The following CCNY variants were observed in gnomAD, a reference collection of about 807,000 sequenced individuals.
The protein encoded by CCNY is cyclin-Y.
CCNY carries 19 observed loss-of-function variants against 42.8 expected under a neutral mutation model. The observed-to-expected ratio is 0.44, with a 90% CI of 0.31 to 0.65. CCNY has a LOEUF of 0.65. Among genes scored for constraint, CCNY ranks in the 30% least tolerant of loss-of-function variants. The pLI is 0.07. For synonymous variants in CCNY, 165 were observed against 162.7 expected, an observed-to-expected ratio of 1.01 and a Z score of -0.11; for missense variants, 370 against 437.3, an observed-to-expected ratio of 0.85 and a Z score of 1.37.
chr10:35,262,691 C>T (rs944463708), intron 3 of CCNY, among the ~76,000 whole-genome samples: 1 of 151,982 alleles, frequency 6.6e-6, no homozygotes, highest in African/African-American at 2.4e-5. Flanking sequence ...CTAATTATAT[C>T]ATTGATTGAT....
At chr10:35,388,090 C>T (rs1837335435) in intron 1 of CCNY, among the ~76,000 whole-genome samples, 2 of 152,164 alleles carry the variant, frequency 1.3e-5, no homozygotes, top group Non-Finnish European at 2.9e-5. Context: ...AACTGTGGGG[C>T]TATATTTGAC....
chr10:35,491,157 A>G (rs1386766128), intron 2 of CCNY, among the ~76,000 whole-genome samples: 4 of 152,156 alleles, frequency 2.6e-5, no homozygotes, highest in Admixed American at 2.6e-4. Context: ...GTGGCAGGGA[A>G]CCAGCCTCTG....
intron 1 of CCNY, among the ~76,000 whole-genome samples, chr10:35,482,229 TTTGA>T (rs1257637387): frequency 2.6e-5 from 4 of 152,216 alleles, no homozygotes; most frequent in Non-Finnish European, 5.9e-5. Context: ...TCACTTTATC[TTTGA>T]TTGATTATTA....
rs1309129180 is a variant in CCNY, at chr10:35,571,287, CTAT to C, written c.*2122_*2124del. ...TTATGTAAATATTTCAATGCATCTG[CTAT>C]TATTTTGTGGAGTTTATTAAACTAC... On this transcript the variant is annotated 3_prime_UTR_variant, in exon 10 of 10. Coordinates refer to ENST00000374704, the MANE Select transcript of CCNY (RefSeq NM_145012.6). 6.6e-6 allele frequency: 1 copy of C among 152,120 alleles called. No individual in the cohort carries two copies. The highest frequency in any genetic ancestry group is 1.5e-5 in the Non-Finnish European group (1 of 67,996). 9.4% of individuals were successfully genotyped at this position (152,120 alleles called of 1,614,324 possible).
rs1204368342 is a variant in CCNY, at chr10:35,571,593, C to G, written c.*2423C>G. ...TTTACTGGCAGGATGAATCACTTGA[C>G]ACATAGGTAGATACTTGAGGTTCAT... On this transcript the variant is annotated 3_prime_UTR_variant, in exon 10 of 10. Coordinates refer to ENST00000374704, the MANE Select transcript of CCNY (RefSeq NM_145012.6). 1.3e-5 allele frequency: 2 copies of G among 152,342 alleles called. No homozygotes were observed. The highest frequency in any genetic ancestry group is 4.8e-5 in the African/African-American group (2 of 41,444). 9.4% of individuals were successfully genotyped at this position (152,342 alleles called of 1,614,324 possible).
At chr10:35,252,565 CAAAAAAAAA>C (rs755376669) in intron 3 of CCNY, among the ~76,000 whole-genome samples, 2 of 21,546 alleles carry the variant, frequency 9.3e-5, no homozygotes, top group South Asian at 1.6e-3. Flanking sequence ...GACTCCGTCT[CAAAAAAAAA>C]AAAAAAAAAA....
In CCNY at chr10:35,505,290, A is replaced by G. The variant is rs949740889; in HGVS notation, c.264+3755A>G. Among the ~76,000 whole-genome samples the G allele has an allele frequency of 2.6e-5, 4 of 151,662 alleles. No individual in the cohort carries two copies. In the East Asian group the frequency reaches 7.7e-4, roughly 29 times the overall value. On this transcript the variant is annotated intron_variant, in intron 3 of 9. Coordinates refer to ENST00000374704, the MANE Select transcript of CCNY (RefSeq NM_145012.6). ...CTAAGAAGTTAAAAAAAAAAAAAAG[A>G]TGTGAAAACAGAATGAATGAGGAGT...
chr10:35,500,852 C>T (rs2135390186), intron 2 of CCNY, among the ~76,000 whole-genome samples: 1 of 152,294 alleles, frequency 6.6e-6, no homozygotes, highest in East Asian at 1.9e-4. Flanking sequence ...GTGTGAGAAG[C>T]CACCTTGTTA....
chr10:35,546,177 A>G (rs1211427080), intron 7 of CCNY, among the ~76,000 whole-genome samples: 1 of 152,256 alleles, frequency 6.6e-6, no homozygotes, highest in Non-Finnish European at 1.5e-5. Context: ...CGGCAGATTT[A>G]AAGTCCAGAA....
chr10:35,282,720 CAA>C (rs71033390), intron 3 of CCNY, among the ~76,000 whole-genome samples: 46 of 88,234 alleles, frequency 5.2e-4, no homozygotes, highest in East Asian at 1.3e-3. Context: ...GAGACTGTCT[CAA>C]AAAAAAAAAA....
chr10:35,559,959 G>C (rs1426077857), intron 8 of CCNY, among the ~76,000 whole-genome samples: 3 of 152,222 alleles, frequency 2.0e-5, no homozygotes, highest in Non-Finnish European at 2.9e-5. Context: ...TTTCGGGCTT[G>C]CTGGACACTG....
At chr10:35,475,470 T>TG (rs1839487390) in intron 1 of CCNY, among the ~76,000 whole-genome samples, 2 of 150,972 alleles carry the variant, frequency 1.3e-5, no homozygotes, top group Admixed American at 1.3e-4. Context: ...CAGAAGAGAG[T>TG]GGGGGCCAAT....
intron 4 of CCNY, among the ~76,000 whole-genome samples, chr10:35,518,400 C>T (rs1461674244): frequency 6.6e-6 from 1 of 152,188 alleles, no homozygotes; most frequent in Admixed American, 6.5e-5. Flanking sequence ...GGACTTTTAA[C>T]AGACTTTGAT....
At chr10:35,426,454 C>G (rs1019534667) in intron 1 of CCNY, among the ~76,000 whole-genome samples, 8 of 152,206 alleles carry the variant, frequency 5.3e-5, no homozygotes, top group Admixed American at 5.2e-4. Context: ...TGTTGGTGCA[C>G]ATAGTTCACT....
intron 3 of CCNY, among the ~76,000 whole-genome samples, chr10:35,503,098 C>G (rs1025855115): frequency 6.6e-6 from 1 of 152,260 alleles, no homozygotes; most frequent in Middle Eastern, 3.4e-3. Context: ...CCCCACCCCC[C>G]CAACAGGCAC....
intron 1 of CCNY, among the ~76,000 whole-genome samples, chr10:35,432,898 T>C (rs1445510593): frequency 1.3e-5 from 2 of 152,242 alleles, no homozygotes; most frequent in Admixed American, 1.3e-4. Flanking sequence ...TGCCAGCATC[T>C]TATTTGATCC....
At chr10:35,507,792 G>GTT (rs59237920) in intron 3 of CCNY, among the ~76,000 whole-genome samples, 4 of 143,424 alleles carry the variant, frequency 2.8e-5, no homozygotes, top group African/African-American at 1.0e-4. Context: ...TACAGGGCCA[G>GTT]TTTTTTTTTT....
At chr10:35,410,863 CGCTGATGTCGCTG>C (rs1413380577) in intron 1 of CCNY, among the ~76,000 whole-genome samples, 1 of 152,128 alleles carries the variant, frequency 6.6e-6, no homozygotes, top group Non-Finnish European at 1.5e-5. Context: ...TTCCAGGTGA[CGCTGATGTCGCTG>C]GTCTAGAGAA....
intron 7 of CCNY, among the ~76,000 whole-genome samples, chr10:35,536,054 C>T (rs916963829): frequency 6.6e-6 from 1 of 152,150 alleles, no homozygotes; most frequent in African/African-American, 2.4e-5. Context: ...GGCTGTGTCC[C>T]CACCCAAATC....
Sources: gnomAD v4.1 joint callset for allele counts (sites outside exome capture counted in the v4.1 genomes callset) on GRCh38, gnomAD v4.1.1 for gene constraint, MANE v1.5 for transcripts, NCBI Gene and HGNC (gene_info 2026-07-23, HGNC 2026-07-21) for gene names.